The following TMPRSS6 variants were observed in gnomAD, a reference collection of about 807,000 sequenced individuals.
TMPRSS6 encodes the protein transmembrane protease serine 6.
TMPRSS6 carries 67 observed loss-of-function variants against 101.5 expected under a neutral mutation model. The ratio of observed to expected loss-of-function variants is 0.66; its 90% CI spans 0.54 to 0.81. The LOEUF (loss-of-function observed/expected upper bound fraction) is 0.81, where lower values mean the gene tolerates loss of function less well. Ranked by LOEUF, TMPRSS6 falls within the 30% of genes least tolerant of loss-of-function variation. The pLI is 0.00. For synonymous variants in TMPRSS6, 453 were observed against 464.9 expected, an observed-to-expected ratio of 0.97 and a Z score of 0.33; for missense variants, 1,034 against 1,088.7, an observed-to-expected ratio of 0.95 and a Z score of 0.71.
intron 5 of TMPRSS6, 40 bp downstream of exon 5, chr22:37,095,866 C>T: frequency 1.2e-6 from 2 of 1,612,110 alleles, no homozygotes; most frequent in African/African-American, 1.3e-5. Flanking sequence ...TTCCCCCAAC[C>T]TCATGAGGCC....
upstream of TMPRSS6, among the ~76,000 whole-genome samples, chr22:37,109,856 A>T (rs1330974236): frequency 6.6e-6 from 1 of 152,078 alleles, no homozygotes; most frequent in Admixed American, 6.5e-5. Flanking sequence ...GCCTGGTGAC[A>T]TGCCTGCCTG....
chr22:37,082,872 T>C (rs1928376561), intron 10 of TMPRSS6: 1 of 435,256 alleles, frequency 2.3e-6, no homozygotes, highest in Admixed American at 2.7e-5. Context: ...TTTCTTTTAA[T>C]CCTAGTCCCA....
intron 3 of TMPRSS6, 51 bp downstream of exon 3, chr22:37,098,365 C>T (rs565780090): frequency 6.2e-7 from 1 of 1,613,180 alleles, no homozygotes; most frequent in Non-Finnish European, 8.5e-7. Context: ...CCCCACCCCT[C>T]TCTTTTCACC....
At chr22:37,110,134 GTTCT>G (rs1320631358), upstream of TMPRSS6, among the ~76,000 whole-genome samples, 3 of 139,052 alleles carry the variant, frequency 2.2e-5, no homozygotes, top group Non-Finnish European at 4.6e-5. Context: ...TTCCTACCTC[GTTCT>G]TTTTTTTTTT....
At chr22:37,091,960 A>G (rs1433547274) in intron 6 of TMPRSS6, among the ~76,000 whole-genome samples, 1 of 152,118 alleles carries the variant, frequency 6.6e-6, no homozygotes, top group Non-Finnish European at 1.5e-5. Context: ...AGAGAACAAC[A>G]ATGTCTGCCT....
intron 7 of TMPRSS6, among the ~76,000 whole-genome samples, chr22:37,089,265 C>T (rs1929022301): frequency 6.6e-6 from 1 of 152,142 alleles, no homozygotes; most frequent in Admixed American, 6.5e-5. Flanking sequence ...GTTGAAAGTC[C>T]AGGCTGCAGC....
chr22:37,103,440 G>A lies in TMPRSS6; in HGVS notation c.-1-22C>T. On this transcript the variant is annotated intron_variant, in intron 1 of 17. Coordinates refer to ENST00000676104, the MANE Select transcript of TMPRSS6 (RefSeq NM_001374504.1). This position sits in a 1 kb window ranked among gnomAD's most constrained non-coding sequence, Gnocchi z 4.4. ...CATCCTGCCAGGGAAACAGACCAAA[G>A]TTGGAAACAGCCTCGCATTTGCAAG... 1 of 1,614,260 alleles carries A rather than the reference G, an allele frequency of 6.2e-7. No homozygotes were observed. The highest frequency in any genetic ancestry group is 8.5e-7 in the Non-Finnish European group (1 of 1,180,052).
chr22:37,107,041 G>A (rs544648406), intron 1 of TMPRSS6, among the ~76,000 whole-genome samples: 2 of 152,352 alleles, frequency 1.3e-5, no homozygotes, highest in Admixed American at 6.5e-5. Flanking sequence ...CCCATGGAAC[G>A]CCGCACAGCC....
intron 6 of TMPRSS6, among the ~76,000 whole-genome samples, chr22:37,095,124 A>G (rs1569020353): frequency 6.6e-6 from 1 of 152,184 alleles, no homozygotes; most frequent in Non-Finnish European, 1.5e-5. Context: ...CTTGAATGCA[A>G]TGGCACCGCT....
chr22:37,071,592 C>G (rs1258870450), intron 13 of TMPRSS6, among the ~76,000 whole-genome samples: 1 of 152,264 alleles, frequency 6.6e-6, no homozygotes, highest in African/African-American at 2.4e-5. Context: ...AGTCACCCAT[C>G]ATATCCTCCT....
chr22:37,069,373 G>T lies in TMPRSS6; in HGVS notation c.1842-29C>A. The T allele has an allele frequency of 7.7e-7, 1 of 1,293,554 alleles. No homozygotes were observed. Among genetic ancestry groups the T allele is most frequent in the South Asian group, 1.3e-5 (1 of 74,322 alleles). 80.1% of individuals were successfully genotyped at this position (1,293,554 alleles called of 1,614,324 possible). On this transcript the variant is annotated intron_variant, in intron 15 of 17. Coordinates refer to ENST00000676104, the MANE Select transcript of TMPRSS6 (RefSeq NM_001374504.1). The surrounding 1 kb of genome is among the most constrained non-coding windows in gnomAD (Gnocchi z 4.8). The stretch of plus-strand genomic sequence containing the variant: ...GGGTGGGGTGGGGTGGGGTGGGGTG[G>T]GGTGAGGTGAGGTGGGAGGAAGCTG...
chr22:37,074,815 G>T, intron 11 of TMPRSS6, 107 bp from the exon 12 acceptor site: 1 of 1,184,724 alleles, frequency 8.4e-7, no homozygotes, highest in Non-Finnish European at 1.2e-6. Context: ...ACACGCGCAT[G>T]GACAGGCACC....
intron 10 of TMPRSS6, 85 bp from the exon 11 acceptor site, chr22:37,075,365 AG>A (rs1334754359): frequency 1.3e-6 from 2 of 1,575,780 alleles, no homozygotes; most frequent in African/African-American, 2.7e-5. Flanking sequence ...AGGCAGCCAG[AG>A]GGGCAGGGGG....
upstream of TMPRSS6, among the ~76,000 whole-genome samples, chr22:37,109,843 G>A (rs868675093): frequency 4.0e-5 from 6 of 151,850 alleles, no homozygotes; most frequent in South Asian, 4.2e-4. Context: ...CCCGAGGCCC[G>A]TTGCCTGGTG....
intron 16 of TMPRSS6, chr22:37,068,817 A>G: frequency 1.4e-6 from 1 of 730,420 alleles, no homozygotes; most frequent in Admixed American, 2.3e-5. Flanking sequence ...GTGGCGTCCC[A>G]GACCTGCCCC....
chr22:37,070,744 A>G, intron 14 of TMPRSS6, 92 bp from the exon 15 acceptor site: 4 of 1,440,270 alleles, frequency 2.8e-6, no homozygotes, highest in Non-Finnish European at 3.9e-6. Context: ...AGATGGAGAG[A>G]CAGAGAACAG....
Position 37,083,264 on chromosome 22 carries a change from C to T in TMPRSS6, c.1196+1031G>A, listed in dbSNP as rs1928405973. On this transcript the variant is annotated intron_variant, in intron 10 of 17. Coordinates refer to ENST00000676104, the MANE Select transcript of TMPRSS6 (RefSeq NM_001374504.1). ...CCCGGATTCCCAGGGAAAGGGTCTC[C>T]CTGGCTCTGCCATCGCTGCTTCAAT... Among the ~76,000 whole-genome samples the T allele has an allele frequency of 2.0e-5, 3 of 152,146 alleles. No individual in the cohort carries two copies. In the South Asian group the frequency reaches 6.2e-4, roughly 32 times the overall value.
At position 37,072,251 on chromosome 22, in the gene TMPRSS6, T is replaced by A. The variant is rs1424730724; in HGVS notation, c.1556-1219A>T. On this transcript the variant is annotated intron_variant, in intron 13 of 17. Transcript: ENST00000676104. Reference sequence around the variant, plus strand: ...GGATGGATGATGGATGGATGGATGATGGATGGATGGATGATGGATGGTTGC... The same window carrying A: ...GGATGGATGATGGATGGATGGATGAAGGATGGATGGATGATGGATGGTTGC... 7.8e-5 allele frequency among the ~76,000 whole-genome samples: 10 copies of A among 128,030 alleles called. 1 individual carries two copies. The highest frequency in any genetic ancestry group is 3.3e-4 in the African/African-American group (10 of 30,250). The allele number at this position is 128,030 out of a possible 152,430, so 84.0% of individuals were successfully genotyped here.
At chr22:37,085,043 T>C (rs1928610942) in intron 8 of TMPRSS6, among the ~76,000 whole-genome samples, 1 of 152,090 alleles carries the variant, frequency 6.6e-6, no homozygotes. Context: ...GTAGAGTGGA[T>C]TAAAAAGACA....
Sources: allele counts gnomAD v4.1 joint callset (sites outside exome capture counted in the v4.1 genomes callset), GRCh38; gene constraint gnomAD v4.1.1; non-coding constraint Gnocchi (gnomAD v3.1); transcripts MANE v1.5; gene names NCBI Gene and HGNC (gene_info 2026-07-23, HGNC 2026-07-21).